The following DLG2 variants were observed in gnomAD, a reference collection of about 807,000 sequenced individuals.
DLG2 encodes discs large MAGUK scaffold protein 2.
In DLG2, 45 loss-of-function variants were observed where a neutral mutation model predicts 132.5. The observed-to-expected ratio is 0.34, with a 90% CI of 0.27 to 0.44. The LOEUF (loss-of-function observed/expected upper bound fraction) is 0.44, where lower values mean the gene tolerates loss of function less well. Among genes scored for constraint, DLG2 ranks in the 20% least tolerant of loss-of-function variants. The pLI, the probability that DLG2 is intolerant of heterozygous loss-of-function variation, is 1.00. For missense variants in DLG2, 1,045 were observed against 1,196.9 expected, an observed-to-expected ratio of 0.87 and a Z score of 1.87; for synonymous variants, 424 against 419.6, an observed-to-expected ratio of 1.01 and a Z score of -0.13.
intron 18 of DLG2, among the ~76,000 whole-genome samples, chr11:83,688,957 G>A (rs2080340622): frequency 6.6e-6 from 1 of 151,950 alleles, no homozygotes; most frequent in Non-Finnish European, 1.5e-5. Context: ...ATATATGGAG[G>A]GCTTACGATG....
intron 7 of DLG2, among the ~76,000 whole-genome samples, chr11:84,342,697 C>T (rs1391218127): frequency 1.3e-5 from 2 of 152,108 alleles, no homozygotes; most frequent in Admixed American, 1.3e-4. Flanking sequence ...ATTATAACTA[C>T]TTTTTCAGTA....
intron 18 of DLG2, among the ~76,000 whole-genome samples, chr11:83,773,894 C>T (rs2094489604): frequency 6.6e-6 from 1 of 152,208 alleles, no homozygotes; most frequent in South Asian, 2.1e-4. Flanking sequence ...GAGCTTACAG[C>T]TTTTTTCATC....
chr11:85,494,959 C>G (rs1379081184), intron 3 of DLG2, among the ~76,000 whole-genome samples: 1 of 151,788 alleles, frequency 6.6e-6, no homozygotes. Context: ...ACAACAAAGG[C>G]CTCATTCATG....
At chr11:83,489,704 C>A (rs749241633) in intron 21 of DLG2, among the ~76,000 whole-genome samples, 6 of 138,340 alleles carry the variant, frequency 4.3e-5, no homozygotes, top group African/African-American at 2.1e-4. Flanking sequence ...ACTTATGTAC[C>A]CCCTGAGTAT....
At chr11:83,833,209 G>T (rs559166718) in intron 17 of DLG2, among the ~76,000 whole-genome samples, 2 of 152,142 alleles carry the variant, frequency 1.3e-5, no homozygotes, top group Non-Finnish European at 2.9e-5. Flanking sequence ...AGGCTGAGGC[G>T]GGTGGATCAC....
At chr11:85,073,057 TGAA>T (rs1476569986) in intron 6 of DLG2, among the ~76,000 whole-genome samples, 3 of 151,872 alleles carry the variant, frequency 2.0e-5, no homozygotes, top group Non-Finnish European at 2.9e-5. Context: ...AACTAAAATA[TGAA>T]GAACAAAGAT....
Position 84,793,212 on chromosome 11 carries a change from T to C in DLG2, c.358-258481A>G, listed in dbSNP as rs546441466. On this transcript the variant is annotated intron_variant, in intron 6 of 27. Transcript: ENST00000376104. Reference sequence around the variant, plus strand: ...CACATTGTTTAATTTCCATGTGTTGTAATGTTTCAAAATTCGTCCTTTGAT... The same window carrying C: ...CACATTGTTTAATTTCCATGTGTTGCAATGTTTCAAAATTCGTCCTTTGAT... Among the ~76,000 whole-genome samples, 6 of 152,316 alleles carry C rather than the reference T, an allele frequency of 3.9e-5. No homozygotes were observed. In the South Asian group the frequency reaches 1.2e-3, roughly 32 times the overall value.
At chr11:85,489,778 C>T (rs969916168) in intron 3 of DLG2, among the ~76,000 whole-genome samples, 3 of 151,968 alleles carry the variant, frequency 2.0e-5, no homozygotes, top group African/African-American at 4.8e-5. Context: ...AGAAGCTATA[C>T]GAACACATGG....
At chr11:85,490,080 C>A (rs969141118) in intron 3 of DLG2, among the ~76,000 whole-genome samples, 7 of 151,936 alleles carry the variant, frequency 4.6e-5, no homozygotes, top group Admixed American at 3.3e-4. Context: ...CCTAGCTACT[C>A]TGGAGGCTGA....
chr11:84,684,229 T>G (rs1430833130), intron 6 of DLG2, among the ~76,000 whole-genome samples: 1 of 152,206 alleles, frequency 6.6e-6, no homozygotes, highest in Non-Finnish European at 1.5e-5. Flanking sequence ...TAGTAGGAGA[T>G]AATTCCCCTG....
chr11:83,804,880 A>G (rs2045511985), intron 17 of DLG2, among the ~76,000 whole-genome samples: 1 of 152,062 alleles, frequency 6.6e-6, no homozygotes, highest in South Asian at 2.1e-4. Flanking sequence ...TTTGGTTGTT[A>G]CTATGTCTTT....
At chr11:84,250,751 C>T (rs2097361520) in intron 8 of DLG2, among the ~76,000 whole-genome samples, 1 of 152,202 alleles carries the variant, frequency 6.6e-6, no homozygotes, top group African/African-American at 2.4e-5. Flanking sequence ...CATGCTCATG[C>T]TTTCATAAAA....
intron 7 of DLG2, among the ~76,000 whole-genome samples, chr11:84,354,062 C>A (rs1242075007): frequency 1.3e-5 from 2 of 152,150 alleles, no homozygotes; most frequent in African/African-American, 4.8e-5. Flanking sequence ...TCATTAGCAC[C>A]TAACACAATG....
intron 15 of DLG2, 129 bp downstream of exon 15, chr11:83,930,199 G>T: frequency 9.3e-7 from 1 of 1,072,482 alleles, no homozygotes; most frequent in South Asian, 1.6e-5. Context: ...CAAGGGAACA[G>T]CAGAACATCT....
At chr11:84,939,875 G>T (rs759992169) in intron 6 of DLG2, among the ~76,000 whole-genome samples, 4 of 152,162 alleles carry the variant, frequency 2.6e-5, no homozygotes, top group Non-Finnish European at 5.9e-5. Context: ...GAATAGTGCT[G>T]CAGTAAACAT....
At chr11:84,427,530 T>C (rs1190069602) in intron 7 of DLG2, among the ~76,000 whole-genome samples, 3 of 151,968 alleles carry the variant, frequency 2.0e-5, no homozygotes, top group Non-Finnish European at 2.9e-5. Context: ...TCAACGAAGA[T>C]GACAAAGAAC....
In DLG2 at chr11:84,534,682, C is replaced by A. The variant is rs776496218; in HGVS notation, c.407G>T (p.Arg136Leu). 1 of 1,613,758 alleles carries A rather than the reference C, an allele frequency of 6.2e-7. No individual in the cohort carries two copies. Among genetic ancestry groups the A allele is most frequent in the African/African-American group, 1.3e-5 (1 of 74,836 alleles). ...TGGGCCTCTTACTTCGTGGGTTAGT[C>A]GAGGTAAGGAATGATCATGTGGAGC... ...EDAPHDHSLP[R>L]LTHEVRGPEL... The change falls in exon 7 of 28, where the codon CGA becomes CTA. Residue 136 changes from arginine (R) to leucine (L), a missense_variant. This residue lies in a region of DLG2 where 277 missense variants were observed against 238.2 expected (regional missense o/e 1.16). Coordinates refer to ENST00000376104, the MANE Select transcript of DLG2 (RefSeq NM_001142699.3).
chr11:84,529,307 G>C (rs1234769612), intron 7 of DLG2, among the ~76,000 whole-genome samples: 1 of 152,158 alleles, frequency 6.6e-6, no homozygotes, highest in Non-Finnish European at 1.5e-5. Flanking sequence ...AATCAGGCAA[G>C]AGAAAGAGGT....
intron 6 of DLG2, among the ~76,000 whole-genome samples, chr11:84,792,539 AACCATTGGGT>A (rs2074007897): frequency 6.6e-6 from 1 of 152,098 alleles, no homozygotes; most frequent in Non-Finnish European, 1.5e-5. Context: ...TAAGTAGTGA[AACCATTGGGT>A]ACCAGGTTTT....
Sources: gnomAD v4.1 joint callset for allele counts (sites outside exome capture counted in the v4.1 genomes callset) on GRCh38, gnomAD v4.1.1 for gene constraint, gnomAD v4.1.1 regional missense constraint, MANE v1.5 for transcripts, NCBI Gene and HGNC (gene_info 2026-07-23, HGNC 2026-07-21) for gene names.